The following FAM135A variants were observed in gnomAD, a reference collection of about 807,000 sequenced individuals.
FAM135A encodes protein FAM135A.
Under a neutral mutation model 146.8 loss-of-function variants are expected in FAM135A, and 79 were observed. The ratio of observed to expected loss-of-function variants is 0.54; its 90% CI spans 0.45 to 0.65. The LOEUF (loss-of-function observed/expected upper bound fraction) is 0.65, where lower values mean the gene tolerates loss of function less well. Among genes scored for constraint, FAM135A ranks in the 30% least tolerant of loss-of-function variants. The pLI is 0.00. For missense variants in FAM135A, 1,623 were observed against 1,758.2 expected, an observed-to-expected ratio of 0.92 and a Z score of 1.38; for synonymous variants, 562 against 603.6, an observed-to-expected ratio of 0.93 and a Z score of 1.01.
At chr6:70,438,666 TAAAGTGC>T (rs1562419321) in intron 4 of FAM135A, among the ~76,000 whole-genome samples, 1 of 152,186 alleles carries the variant, frequency 6.6e-6, no homozygotes, top group Non-Finnish European at 1.5e-5. Context: ...CGAGAAGCTG[TAAAGTGC>T]TTCCCTTAAG....
At chr6:70,559,556 A>G (rs1261911298) in intron 21 of FAM135A, among the ~76,000 whole-genome samples, 160 bp from the exon 22 acceptor site, 1 of 152,160 alleles carries the variant, frequency 6.6e-6, no homozygotes, top group African/African-American at 2.4e-5. Context: ...ACCAAAAATG[A>G]TAGTTGAAGG....
At chr6:70,464,462 TGACTTAATG>T (rs1267490676) in intron 5 of FAM135A, among the ~76,000 whole-genome samples, 1 of 152,214 alleles carries the variant, frequency 6.6e-6, no homozygotes, top group Non-Finnish European at 1.5e-5. Flanking sequence ...ATGTGGTTTC[TGACTTAATG>T]GAGTTGTTAT....
At chr6:70,524,312 A>T in intron 14 of FAM135A, 31 bp from the exon 15 acceptor site, 1 of 1,459,230 alleles carries the variant, frequency 6.9e-7, no homozygotes, top group Non-Finnish European at 9.0e-7. Flanking sequence ...ACCTTGTTTT[A>T]AACCTGAATC....
chr6:70,496,303 T>G (rs1047542285), intron 11 of FAM135A, among the ~76,000 whole-genome samples: 2 of 152,222 alleles, frequency 1.3e-5, no homozygotes, highest in African/African-American at 4.8e-5. Flanking sequence ...CATAAATGTC[T>G]TCTTTTGAGA....
chr6:70,428,351 A>T lies in FAM135A; in HGVS notation c.9A>T (p.Glu3Asp). Residue 3 changes from glutamate (E) to aspartate (D), a missense_variant, in exon 4 of 22, where the codon GAA (glutamate) becomes GAT (aspartate). Coordinates refer to ENST00000418814, the MANE Select transcript of FAM135A (RefSeq NM_001162529.3). MT[E>D]VQAMVEFSVE... ...CTGGGTATAAATTAAAAATGACTGAAGTTCAAGCAATGGTAGAATTCTCTG... is the reference window on the plus strand; with the variant it reads ...CTGGGTATAAATTAAAAATGACTGATGTTCAAGCAATGGTAGAATTCTCTG... The T allele has an allele frequency of 1.3e-6, 2 of 1,599,064 alleles. No individual in the cohort carries two copies. Among genetic ancestry groups the T allele is most frequent in the Admixed American group, 3.4e-5 (2 of 58,096 alleles).
intron 5 of FAM135A, among the ~76,000 whole-genome samples, chr6:70,454,757 A>G (rs1269041186): frequency 6.6e-6 from 1 of 151,932 alleles, no homozygotes; most frequent in South Asian, 2.1e-4. Context: ...GTTCTGTTCC[A>G]TTGGTCTATC....
intron 1 of FAM135A, chr6:70,414,019 C>T (rs1369743647): frequency 2.0e-6 from 2 of 985,638 alleles, no homozygotes; most frequent in Non-Finnish European, 2.4e-6. Context: ...AGCGTGTTTG[C>T]CCTTCACCCC....
intron 11 of FAM135A, among the ~76,000 whole-genome samples, chr6:70,500,513 T>C (rs375696962): frequency 6.6e-6 from 1 of 152,178 alleles, no homozygotes; most frequent in Non-Finnish European, 1.5e-5. Flanking sequence ...CCGTCCAGTT[T>C]TGTGTCCTTG....
intron 20 of FAM135A, 155 bp from the exon 21 acceptor site, chr6:70,556,595 T>C: frequency 1.9e-6 from 1 of 538,392 alleles, no homozygotes; most frequent in East Asian, 2.9e-5. Context: ...GTAGAGAACA[T>C]ACAGAAATTT....
intron 12 of FAM135A, among the ~76,000 whole-genome samples, chr6:70,518,283 T>C (rs1237676810): frequency 1.4e-5 from 2 of 146,592 alleles, no homozygotes; most frequent in Non-Finnish European, 1.5e-5. Flanking sequence ...TCCTAACTCT[T>C]TTCAATTCTA....
intron 12 of FAM135A, among the ~76,000 whole-genome samples, chr6:70,521,521 GTT>G (rs1399281456): frequency 1.3e-5 from 2 of 152,110 alleles, no homozygotes; most frequent in African/African-American, 4.8e-5. Flanking sequence ...GAAGACCCAG[GTT>G]TATCTGCTTA....
intron 12 of FAM135A, among the ~76,000 whole-genome samples, chr6:70,511,046 C>T (rs1234819859): frequency 2.0e-5 from 3 of 151,872 alleles, no homozygotes; most frequent in Non-Finnish European, 2.9e-5. Flanking sequence ...CCTTGGACAC[C>T]TTTTCATATG....
intron 15 of FAM135A, among the ~76,000 whole-genome samples, chr6:70,527,631 C>G (rs1795015144): frequency 6.6e-6 from 1 of 152,104 alleles, no homozygotes; most frequent in Non-Finnish European, 1.5e-5. Context: ...GGTTCCTCTT[C>G]CAGCTTCACT....
chr6:70,436,288 C>G (rs977459041), intron 4 of FAM135A, among the ~76,000 whole-genome samples: 5 of 151,440 alleles, frequency 3.3e-5, no homozygotes, highest in African/African-American at 4.9e-5. Flanking sequence ...GCCTTCAAAA[C>G]TGTCTGAAAT....
rs1320206325 is a variant in FAM135A, at chr6:70,502,629, A to G, written c.874-7A>G. 1.9e-6 allele frequency: 3 copies of G among 1,596,008 alleles called. No individual in the cohort carries two copies. The African/African-American group carries it at 4.1e-5, about 22-fold the overall frequency. On this transcript the variant is annotated splice_polypyrimidine_tract_variant and splice_region_variant and intron_variant, in intron 11 of 21. Coordinates refer to ENST00000418814, the MANE Select transcript of FAM135A (RefSeq NM_001162529.3). ...AAATAGTGAAATTTTTTTTCTTTTC[A>G]TTTCAGAAAATAGAGAATCCTGATG...
At chr6:70,439,574 G>T (rs1410444571) in intron 4 of FAM135A, among the ~76,000 whole-genome samples, 1 of 151,904 alleles carries the variant, frequency 6.6e-6, no homozygotes, top group African/African-American at 2.4e-5. Flanking sequence ...TGTTTAAGTG[G>T]AACATTTAAT....
At chr6:70,502,575 T>C (rs751521102) in intron 11 of FAM135A, 61 bp from the exon 12 acceptor site, 21 of 1,510,234 alleles carry the variant, frequency 1.4e-5, no homozygotes, top group Non-Finnish European at 1.8e-5. Context: ...AATAACATTA[T>C]ATTTAAGTAT....
intron 20 of FAM135A, among the ~76,000 whole-genome samples, chr6:70,539,608 A>G (rs761158689): frequency 1.1e-4 from 17 of 152,162 alleles, no homozygotes; most frequent in Non-Finnish European, 2.2e-4. Flanking sequence ...ACTGTTATAT[A>G]AAACCACTTT....
intron 1 of FAM135A, among the ~76,000 whole-genome samples, chr6:70,414,498 C>T (rs1443810168): frequency 1.3e-5 from 2 of 150,840 alleles, no homozygotes; most frequent in African/African-American, 5.0e-5. Flanking sequence ...TTTTTCCCCT[C>T]CAAAACTCTT....
Sources: allele counts gnomAD v4.1 joint callset (sites outside exome capture counted in the v4.1 genomes callset), GRCh38; gene constraint gnomAD v4.1.1; transcripts MANE v1.5; gene names NCBI Gene and HGNC (gene_info 2026-07-23, HGNC 2026-07-21).